NOX4: variants seen among roughly 807,000 people sequenced by gnomAD.
The protein encoded by NOX4 is NADPH oxidase 4, also known as kidney oxidase-1.
A neutral mutation model predicts 87.6 loss-of-function variants in NOX4; 69 were observed. The observed-to-expected ratio is 0.79, with a 90% CI of 0.65 to 0.96. NOX4 has a LOEUF of 0.96. Ranked by LOEUF, NOX4 falls within the 40% of genes least tolerant of loss-of-function variation. The pLI is 0.00. For synonymous variants in NOX4, 275 were observed against 238.2 expected (o/e 1.15, Z -1.42); for missense variants, 680 against 681.5 (o/e 1.00, Z 0.02).
At chr11:89,535,374 G>A in the NOX4 span, among the ~76,000 whole-genome samples, 1 of 152,216 alleles carries the variant, frequency 6.6e-6, no homozygotes, top group Non-Finnish European at 1.5e-5. Context: ...CAAGAGACAC[G>A]TAAACGTGTT....
the NOX4 span, chr11:89,577,195 T>C: frequency 1.3e-5 from 2 of 152,100 alleles, no homozygotes; most frequent in Non-Finnish European, 2.9e-5. Flanking sequence ...TTTACTAGCA[T>C]AGAGAATTAC....
intron 16 of NOX4, 80 bp from the exon 17 acceptor site, chr11:89,336,025 G>A (rs1043223503): frequency 4.4e-5 from 35 of 800,490 alleles, no homozygotes; most frequent in Middle Eastern, 2.3e-4. Flanking sequence ...CTGGTGCTGC[G>A]GCTTCCCACC....
the NOX4 span, among the ~76,000 whole-genome samples, chr11:89,507,457 CAT>C: frequency 7.3e-5 from 11 of 150,940 alleles, no homozygotes; most frequent in African/African-American, 1.9e-4. Flanking sequence ...ATATACAATG[CAT>C]ATGTCATATA....
rs536405006 is a variant in NOX4 at position 89,418,036 on chromosome 11, G to A, written c.629+3866C>T. On this transcript the variant is annotated intron_variant, in intron 8 of 17. Coordinates refer to ENST00000263317, the MANE Select transcript of NOX4 (RefSeq NM_016931.5). ...TGTACATGAAATGTCATCTTTTTAG[G>A]GTGGCATGCAACAGATTTATTTATA... Among the ~76,000 whole-genome samples, 58 of 151,828 alleles carry A rather than the reference G, an allele frequency of 3.8e-4. 1 individual carries two copies. In the South Asian group the frequency reaches 0.012, roughly 32 times the overall value.
chr11:89,481,687 A>C (rs1946396645), intron 2 of NOX4, among the ~76,000 whole-genome samples: 1 of 152,132 alleles, frequency 6.6e-6, no homozygotes, highest in African/African-American at 2.4e-5. Context: ...GATAGACATG[A>C]AGAAACACTG....
chr11:89,337,783 T>A (rs1435788237), intron 15 of NOX4, among the ~76,000 whole-genome samples: 1 of 152,052 alleles, frequency 6.6e-6, no homozygotes, highest in African/African-American at 2.4e-5. Context: ...GATACAAAAT[T>A]TAGCATGCTG....
intron 9 of NOX4, among the ~76,000 whole-genome samples, chr11:89,401,492 GC>G (rs1228346853): frequency 6.6e-6 from 1 of 151,996 alleles, no homozygotes; most frequent in Non-Finnish European, 1.5e-5. Context: ...ATTCATTCTA[GC>G]TTTTGACTTC....
At chr11:89,376,212 T>G (rs1428425189) in intron 11 of NOX4, among the ~76,000 whole-genome samples, 1 of 152,190 alleles carries the variant, frequency 6.6e-6, no homozygotes, top group African/African-American at 2.4e-5. Context: ...CTGATACTTC[T>G]CCAAACTAAG....
At chr11:89,381,624 G>T (rs1426862754) in intron 11 of NOX4, among the ~76,000 whole-genome samples, 1 of 152,180 alleles carries the variant, frequency 6.6e-6, no homozygotes, top group Non-Finnish European at 1.5e-5. Flanking sequence ...TTATTGCTTA[G>T]CTTAAGCAAA....
intron 12 of NOX4, among the ~76,000 whole-genome samples, chr11:89,355,605 T>C (rs997259476): frequency 2.0e-5 from 3 of 152,076 alleles, no homozygotes; most frequent in African/African-American, 7.2e-5. Context: ...CACCATTAAC[T>C]AGCATTTACA....
Position 89,400,294 on chromosome 11 carries a change from A to G in NOX4, c.932T>C (p.Ile311Thr), listed in dbSNP as rs1941754387. The stretch of plus-strand genomic sequence containing the variant: ...TGAGGGATGACTCATGACCGAAATG[A>G]TGGTGACTGGCTTATTGCTCCGGAT... ...RYIRSNKPVT[I>T]ISVMSHPSDV... is the part of the protein sequence containing the mutation. Residue 311 changes from isoleucine to threonine, a missense_variant, in exon 10 of 18, where the codon ATC becomes ACC. Coordinates refer to ENST00000263317, the MANE Select transcript of NOX4 (RefSeq NM_016931.5). 6.2e-7 allele frequency: 1 copy of G among 1,612,890 alleles called. No individual in the cohort carries two copies. Among genetic ancestry groups the G allele is most frequent in the Admixed American group, 1.7e-5 (1 of 59,856 alleles).
chr11:89,328,982 A>G (rs1945336193), intron 17 of NOX4, among the ~76,000 whole-genome samples: 1 of 151,984 alleles, frequency 6.6e-6, no homozygotes, highest in African/African-American at 2.4e-5. Flanking sequence ...AGCCCCCAGA[A>G]CTATGAAAAA....
chr11:89,384,646 C>T (rs1051332559), intron 11 of NOX4, among the ~76,000 whole-genome samples: 1 of 152,130 alleles, frequency 6.6e-6, no homozygotes, highest in African/African-American at 2.4e-5. Context: ...TTTCTCCACT[C>T]CCCTTTCCAT....
chr11:89,553,960 C>A, the NOX4 span, among the ~76,000 whole-genome samples: 2 of 150,978 alleles, frequency 1.3e-5, no homozygotes, highest in African/African-American at 4.9e-5. Context: ...TATCCGCTCA[C>A]GGAAACTGGC....
chr11:89,417,563 T>C (rs564184181), intron 8 of NOX4, among the ~76,000 whole-genome samples: 1 of 152,272 alleles, frequency 6.6e-6, no homozygotes, highest in Non-Finnish European at 1.5e-5. Context: ...ATTATAATTG[T>C]TGCCATATCA....
intron 17 of NOX4, among the ~76,000 whole-genome samples, chr11:89,335,607 A>G (rs1488639877): frequency 1.3e-5 from 2 of 151,794 alleles, no homozygotes; most frequent in Middle Eastern, 3.2e-3. Flanking sequence ...ATCAGATAGG[A>G]GAGTTTAGCT....
intron 17 of NOX4, among the ~76,000 whole-genome samples, chr11:89,333,021 T>C (rs1945539935): frequency 6.6e-6 from 1 of 151,910 alleles, no homozygotes; most frequent in South Asian, 2.1e-4. Context: ...GTATACCTGT[T>C]GAGCCAGCAA....
the NOX4 span, among the ~76,000 whole-genome samples, chr11:89,582,742 T>C: frequency 6.6e-6 from 1 of 152,216 alleles, no homozygotes; most frequent in East Asian, 1.9e-4. Flanking sequence ...TGCAATCCAG[T>C]GAGCTACCTG....
At chr11:89,394,090 C>A (rs1189039743) in intron 11 of NOX4, among the ~76,000 whole-genome samples, 1 of 152,118 alleles carries the variant, frequency 6.6e-6, no homozygotes, top group African/African-American at 2.4e-5. Flanking sequence ...TAAAGCCCTT[C>A]CAGCTCTACA....
Sources: gnomAD v4.1 joint callset for allele counts (sites outside exome capture counted in the v4.1 genomes callset) on GRCh38, gnomAD v4.1.1 for gene constraint, MANE v1.5 for transcripts, NCBI Gene and HGNC (gene_info 2026-07-23, HGNC 2026-07-21) for gene names.